The following KCNIP4 variants were observed in gnomAD, a reference collection of about 807,000 sequenced individuals.
KCNIP4 encodes the protein potassium voltage-gated channel interacting protein 4.
A neutral mutation model predicts 34.0 loss-of-function variants in KCNIP4; 12 were observed. The ratio of observed to expected loss-of-function variants is 0.35; its 90% CI spans 0.23 to 0.57. The LOEUF is 0.57. Among genes scored for constraint, KCNIP4 ranks in the 20% least tolerant of loss-of-function variants. KCNIP4 has a pLI of 0.83. For synonymous variants in KCNIP4, 124 were observed against 102.2 expected (o/e 1.21, Z -1.29); for missense variants, 238 against 311.7 (o/e 0.76, Z 1.78).
At chr4:21,463,866 G>C (rs115847848) in intron 1 of KCNIP4, among the ~76,000 whole-genome samples, 5 of 151,936 alleles carry the variant, frequency 3.3e-5, no homozygotes, top group African/African-American at 7.2e-5. Flanking sequence ...AAATGTTTTC[G>C]TTTGAAATTA....
chr4:21,101,756 AT>A (rs1331036891), intron 1 of KCNIP4, among the ~76,000 whole-genome samples: 1 of 152,222 alleles, frequency 6.6e-6, no homozygotes, highest in African/African-American at 2.4e-5. Flanking sequence ...TTAAAAACAA[AT>A]GGCATACACT....
intron 1 of KCNIP4, among the ~76,000 whole-genome samples, chr4:21,034,616 T>A (rs937524596): frequency 6.6e-6 from 1 of 152,160 alleles, no homozygotes; most frequent in African/African-American, 2.4e-5. Flanking sequence ...GATGGTCGAA[T>A]GATGGTTGAA....
At chr4:21,145,003 T>C (rs1752249086) in intron 1 of KCNIP4, among the ~76,000 whole-genome samples, 1 of 151,986 alleles carries the variant, frequency 6.6e-6, no homozygotes, top group South Asian at 2.1e-4. Flanking sequence ...GTAATATGAA[T>C]ACAAAATGAA....
intron 1 of KCNIP4, among the ~76,000 whole-genome samples, chr4:21,928,364 A>G (rs1357228290): frequency 6.6e-6 from 1 of 152,086 alleles, no homozygotes. Flanking sequence ...ATTAACATAC[A>G]AAATAGATTA....
At chr4:21,203,324 G>A (rs887540612) in intron 1 of KCNIP4, among the ~76,000 whole-genome samples, 5 of 150,992 alleles carry the variant, frequency 3.3e-5, no homozygotes, top group African/African-American at 1.2e-4. Flanking sequence ...CAAGAGGTGT[G>A]TATTGACTGG....
At chr4:21,589,201 TGTGTACA>T (rs1741938881) in intron 1 of KCNIP4, among the ~76,000 whole-genome samples, 1 of 15,136 alleles carries the variant, frequency 6.6e-5, no homozygotes, top group African/African-American at 2.6e-4. Context: ...TATATATATA[TGTGTACA>T]TATATAAGTA....
At chr4:20,815,424 G>A (rs1205969441) in intron 3 of KCNIP4, among the ~76,000 whole-genome samples, 1 of 152,086 alleles carries the variant, frequency 6.6e-6, no homozygotes, top group East Asian at 1.9e-4. Context: ...TTATTACTCA[G>A]ATATCACAGG....
At chr4:21,050,967 G>A (rs528513179) in intron 1 of KCNIP4, among the ~76,000 whole-genome samples, 32 of 152,212 alleles carry the variant, frequency 2.1e-4, no homozygotes, top group Non-Finnish European at 3.2e-4. Flanking sequence ...CAAAAAAATG[G>A]CTCTGGAGAT....
chr4:20,769,348 G>A (rs1313167950), intron 3 of KCNIP4, among the ~76,000 whole-genome samples: 1 of 152,130 alleles, frequency 6.6e-6, no homozygotes, highest in Non-Finnish European at 1.5e-5. Flanking sequence ...AGGCTTCCTG[G>A]GATTGGGCCC....
intron 1 of KCNIP4, among the ~76,000 whole-genome samples, chr4:21,272,003 C>G (rs898111827): frequency 6.6e-6 from 1 of 152,100 alleles, no homozygotes; most frequent in Non-Finnish European, 1.5e-5. Flanking sequence ...TACTTAGAAA[C>G]TGTGAAATAT....
intron 1 of KCNIP4, among the ~76,000 whole-genome samples, chr4:21,407,964 G>A (rs1724140393): frequency 6.6e-6 from 1 of 151,982 alleles, no homozygotes; most frequent in Non-Finnish European, 1.5e-5. Context: ...ATATCCACAG[G>A]CTAAAAAAAT....
intron 1 of KCNIP4, among the ~76,000 whole-genome samples, chr4:21,618,624 C>CT (rs1744770164): frequency 8.6e-6 from 1 of 116,784 alleles, no homozygotes; most frequent in African/African-American, 3.0e-5. Flanking sequence ...TTTTCTTTTT[C>CT]TTTTTCTTTT....
rs981110439 is a variant in KCNIP4, at chr4:21,745,747, T to C, written c.61+202824A>G. Among the ~76,000 whole-genome samples the C allele has an allele frequency of 3.3e-5, 5 of 152,148 alleles. 1 individual carries two copies. In the South Asian group the frequency reaches 8.3e-4, roughly 25 times the overall value. ...TGTGGAACGATAGTAAACATATACA[T>C]GCTTTATGCTAAAAAAATAAGAAAA... On this transcript the variant is annotated intron_variant, in intron 1 of 8. Coordinates refer to ENST00000382152, the MANE Select transcript of KCNIP4 (RefSeq NM_025221.6).
intron 1 of KCNIP4, among the ~76,000 whole-genome samples, chr4:21,670,503 A>G (rs1157398866): frequency 3.3e-5 from 5 of 151,758 alleles, no homozygotes; most frequent in Non-Finnish European, 7.4e-5. Context: ...GCGCACCAGC[A>G]TGGCACATGT....
intron 1 of KCNIP4, among the ~76,000 whole-genome samples, chr4:21,733,351 G>A (rs1236823130): frequency 1.3e-5 from 2 of 152,262 alleles, no homozygotes; most frequent in East Asian, 3.9e-4. Context: ...AGATTTCTCA[G>A]ATGGTCTCAA....
chr4:20,860,512 T>C (rs971279742), intron 2 of KCNIP4, among the ~76,000 whole-genome samples: 4 of 152,206 alleles, frequency 2.6e-5, no homozygotes, highest in Admixed American at 6.5e-5. Context: ...ATTATAAATA[T>C]TGTAACTTTA....
chr4:20,854,114 A>G (rs983011004), intron 2 of KCNIP4, among the ~76,000 whole-genome samples: 2 of 152,216 alleles, frequency 1.3e-5, no homozygotes, highest in African/African-American at 2.4e-5. Flanking sequence ...TAGAACTACC[A>G]TTTGATCTAG....
chr4:20,967,022 T>C (rs1734418507), intron 1 of KCNIP4, among the ~76,000 whole-genome samples: 2 of 152,162 alleles, frequency 1.3e-5, no homozygotes, highest in Non-Finnish European at 2.9e-5. Flanking sequence ...GACCTGTGTA[T>C]CTTCAAAGCT....
At chr4:21,362,905 AG>A (rs1384040646) in intron 1 of KCNIP4, among the ~76,000 whole-genome samples, 1 of 152,142 alleles carries the variant, frequency 6.6e-6, no homozygotes, top group African/African-American at 2.4e-5. Flanking sequence ...TGGAGTGATA[AG>A]AAAAAATTGT....
Sources: allele counts gnomAD v4.1 joint callset (sites outside exome capture counted in the v4.1 genomes callset), GRCh38; gene constraint gnomAD v4.1.1; transcripts MANE v1.5; gene names NCBI Gene and HGNC (gene_info 2026-07-23, HGNC 2026-07-21).